Variants in CEP192 observed in about 807,000 individuals in gnomAD.
CEP192 encodes the protein centrosomal protein 192, also known as centrosomal protein of 192 kDa.
A neutral mutation model predicts 271.8 loss-of-function variants in CEP192; 151 were observed. That is an observed-to-expected ratio of 0.56 (90% confidence interval 0.49 to 0.64). The LOEUF is 0.64. Among genes scored for constraint, CEP192 ranks in the 30% least tolerant of loss-of-function variants. The probability of loss-of-function intolerance (pLI) is 0.00; values close to 1 mark genes in which losing one functional copy is unlikely to be tolerated. For missense variants in CEP192, 2,910 were observed against 3,020.5 expected (o/e 0.96, Z 0.86); for synonymous variants, 995 against 1,076.5 (o/e 0.92, Z 1.48).
chr18:13,036,381 T>C (rs897345823), intron 11 of CEP192, among the ~76,000 whole-genome samples: 2 of 151,406 alleles, frequency 1.3e-5, no homozygotes, highest in Admixed American at 6.6e-5. Flanking sequence ...GGACACATGA[T>C]AGTGGGGAGC....
At chr18:13,076,115 A>G (rs1400562395) in intron 30 of CEP192, among the ~76,000 whole-genome samples, 1 of 152,232 alleles carries the variant, frequency 6.6e-6, no homozygotes, top group Non-Finnish European at 1.5e-5. Context: ...GACAGTTCCC[A>G]CCACAAAGAA....
chr18:13,047,196 G>C (rs1462015015), intron 15 of CEP192, among the ~76,000 whole-genome samples: 1 of 152,176 alleles, frequency 6.6e-6, no homozygotes, highest in Non-Finnish European at 1.5e-5. Context: ...GGCAATTGCA[G>C]ATCACTTTCA....
At chr18:13,062,711 A>G (rs762174539) in intron 21 of CEP192, among the ~76,000 whole-genome samples, 1 of 152,178 alleles carries the variant, frequency 6.6e-6, no homozygotes, top group Non-Finnish European at 1.5e-5. Flanking sequence ...TATCCCCTCA[A>G]GCATTTATCC....
intron 11 of CEP192, among the ~76,000 whole-genome samples, chr18:13,033,506 A>G (rs1276617018): frequency 6.6e-6 from 1 of 152,236 alleles, no homozygotes; most frequent in African/African-American, 2.4e-5. Context: ...ATGACATTGC[A>G]GCATCTAGCA....
At chr18:13,006,261 C>G (rs1440838987) in intron 3 of CEP192, among the ~76,000 whole-genome samples, 2 of 151,382 alleles carry the variant, frequency 1.3e-5, no homozygotes, top group Non-Finnish European at 2.9e-5. Context: ...ATCATGAGAG[C>G]TCTTTTTTTG....
rs1222722830 is a variant in CEP192, at chr18:13,055,635, GACT to G, written c.3190-140_3190-138del. 4 of 554,976 alleles carry G rather than the reference GACT, an allele frequency of 7.2e-6. No homozygotes were observed. In the African/African-American group the frequency reaches 7.6e-5, roughly 11 times the overall value. 34.4% of individuals were successfully genotyped at this position (554,976 alleles called of 1,614,324 possible). A position where few individuals can be genotyped will look rare whatever the true frequency, so the allele number is the denominator to read the frequency against. ...TTAAGTCTGCATTTCACAACTGCAA[GACT>G]ACTATTTTTGTGTAAACCAATTTTT... On this transcript the variant is annotated intron_variant, in intron 18 of 44. Transcript: ENST00000506447.
intron 2 of CEP192, chr18:13,000,403 G>C (rs946589599): frequency 6.6e-6 from 1 of 152,142 alleles, no homozygotes; most frequent in African/African-American, 2.4e-5. Context: ...TATCTCATGA[G>C]TTTCTGGTCC....
intron 19 of CEP192, among the ~76,000 whole-genome samples, chr18:13,057,035 G>T (rs1042964368): frequency 6.6e-6 from 1 of 152,162 alleles, no homozygotes; most frequent in Non-Finnish European, 1.5e-5. Context: ...GAGTCTCTGG[G>T]TGGCTGCTGT....
chr18:13,035,370 C>G (rs935541041), intron 11 of CEP192, among the ~76,000 whole-genome samples: 1 of 152,116 alleles, frequency 6.6e-6, no homozygotes, highest in African/African-American at 2.4e-5. Context: ...AGGGAAGCCT[C>G]AGAATCATGG....
chr18:13,064,480 C>T (rs144893320), intron 21 of CEP192, among the ~76,000 whole-genome samples: 2,200 of 151,928 alleles, frequency 0.014, 56 homozygotes, highest in African/African-American at 0.047. Context: ...GGCGTGGTGG[C>T]GGGCACCTGT....
At chr18:13,069,290 C>A (rs780378687) in intron 26 of CEP192, 109 bp downstream of exon 26, 2 of 865,248 alleles carry the variant, frequency 2.3e-6, no homozygotes, top group Non-Finnish European at 3.8e-6. Context: ...GTGCCCTGAA[C>A]CTCAGATGAA....
At chr18:13,061,982 T>C (rs1183195767) in intron 21 of CEP192, among the ~76,000 whole-genome samples, 1 of 152,236 alleles carries the variant, frequency 6.6e-6, no homozygotes, top group African/African-American at 2.4e-5. Context: ...AGTTTACCTT[T>C]CTGTAGCAGA....
At chr18:13,095,722 C>A in intron 35 of CEP192, 41 bp downstream of exon 35, 2 of 1,562,406 alleles carry the variant, frequency 1.3e-6, no homozygotes, top group Middle Eastern at 1.7e-4. Flanking sequence ...TGTGTTCCGG[C>A]GTCCGGGCCT....
chr18:13,117,667 G>T (rs2040494805), intron 44 of CEP192, 24 bp downstream of exon 44: 2 of 1,583,938 alleles, frequency 1.3e-6, no homozygotes, highest in Non-Finnish European at 1.7e-6. Flanking sequence ...AGATCACAGT[G>T]TTCTCATCAG....
intron 40 of CEP192, among the ~76,000 whole-genome samples, chr18:13,106,597 C>T (rs1481289998): frequency 6.6e-6 from 1 of 151,498 alleles, no homozygotes; most frequent in East Asian, 1.9e-4. Flanking sequence ...CCACCACCAC[C>T]ACTACCACTC....
At chr18:13,098,506 C>T (rs932263066) in intron 36 of CEP192, among the ~76,000 whole-genome samples, 5 of 135,956 alleles carry the variant, frequency 3.7e-5, no homozygotes, top group South Asian at 2.4e-4. Context: ...CAGATGGGGT[C>T]GCGGCCGGGC....
Position 13,042,381 on chromosome 18 carries a change from T to G in CEP192, c.2067+47T>G. The G allele has an allele frequency of 1.9e-6, 3 of 1,598,476 alleles. No homozygotes were observed. The South Asian group carries it at 3.3e-5, about 18-fold the overall frequency. On this transcript the variant is annotated intron_variant, in intron 15 of 44. Coordinates refer to ENST00000506447, the MANE Select transcript of CEP192 (RefSeq NM_032142.4). ...GAAATCTAAGATTATCTTGTTGTAG[T>G]TCTTATCTAGGATCAAGACGAGATC...
intron 21 of CEP192, 75 bp downstream of exon 21, chr18:13,059,387 G>A: frequency 2.4e-6 from 3 of 1,265,278 alleles, no homozygotes; most frequent in Non-Finnish European, 3.3e-6. Context: ...AGTAAAATTT[G>A]GGAAAAAGAA....
chr18:13,029,393 G>A (rs989831189), intron 9 of CEP192, among the ~76,000 whole-genome samples: 8 of 152,190 alleles, frequency 5.3e-5, no homozygotes, highest in African/African-American at 1.9e-4. Context: ...ATCCTGTAAT[G>A]TAATGCACAC....
Sources: gnomAD v4.1 joint callset for allele counts (sites outside exome capture counted in the v4.1 genomes callset) on GRCh38, gnomAD v4.1.1 for gene constraint, MANE v1.5 for transcripts, NCBI Gene and HGNC (gene_info 2026-07-23, HGNC 2026-07-21) for gene names.